The following TMPRSS11E variants were observed in gnomAD, a reference collection of about 807,000 sequenced individuals.
TMPRSS11E encodes the protein transmembrane protease serine 11E.
A neutral mutation model predicts 48.1 loss-of-function variants in TMPRSS11E; 38 were observed. That is an observed-to-expected ratio of 0.79 (90% confidence interval 0.61 to 1.04). The LOEUF (loss-of-function observed/expected upper bound fraction) is 1.04, where lower values mean the gene tolerates loss of function less well. Ranked by LOEUF, TMPRSS11E falls within the 50% of genes least tolerant of loss-of-function variation. The pLI is 0.00. For synonymous variants in TMPRSS11E, 158 were observed against 171.9 expected (o/e 0.92, Z 0.63); for missense variants, 530 against 510.8 (o/e 1.04, Z -0.36).
Position 68,464,508 on chromosome 4 carries a change from C to T in TMPRSS11E, c.137-2123C>T, listed in dbSNP as rs188320252. ...ATTTACCAACAAACTCATGTTTATC[C>T]TTATTTTTAACTTTTCTGTTAATAT... On this transcript the variant is annotated intron_variant, in intron 2 of 9. Coordinates refer to ENST00000305363, the MANE Select transcript of TMPRSS11E (RefSeq NM_014058.4). 2.1e-3 allele frequency among the ~76,000 whole-genome samples: 317 copies of T among 152,228 alleles called. 7 individuals are homozygous for T. The highest frequency in any genetic ancestry group is 0.02 in the Admixed American group (299 of 15,288).
chr4:68,454,883 A>G (rs558193103), intron 1 of TMPRSS11E, among the ~76,000 whole-genome samples: 2 of 152,058 alleles, frequency 1.3e-5, no homozygotes, highest in African/African-American at 4.8e-5. Flanking sequence ...TGATGCTTGT[A>G]TGCAATGTGT....
chr4:68,495,312 C>T (rs147809633), intron 9 of TMPRSS11E, among the ~76,000 whole-genome samples: 4 of 151,934 alleles, frequency 2.6e-5, no homozygotes, highest in Non-Finnish European at 4.4e-5. Context: ...TATTTATTCT[C>T]GGACTCATTT....
At position 68,449,359 on chromosome 4, in the gene TMPRSS11E, G is replaced by T. The variant is rs148867973; in HGVS notation, c.11+1836G>T. 9.6e-3 allele frequency among the ~76,000 whole-genome samples: 1,459 copies of T among 151,716 alleles called. 12 individuals are homozygous for T. Among genetic ancestry groups the T allele is most frequent in the Non-Finnish European group, 0.016 (1,093 of 67,706 alleles). On this transcript the variant is annotated intron_variant, in intron 1 of 9. Transcript: ENST00000305363. ...AATGTGTCCATTAAATATATTTATT[G>T]GTCATAGGGGTGTATACTAACTGTA...
intron 9 of TMPRSS11E, among the ~76,000 whole-genome samples, chr4:68,487,544 G>T (rs1729593974): frequency 6.6e-6 from 1 of 152,056 alleles, no homozygotes; most frequent in Non-Finnish European, 1.5e-5. Context: ...GAGAAACCAT[G>T]CCTAGCCAGG....
intron 8 of TMPRSS11E, among the ~76,000 whole-genome samples, chr4:68,478,451 C>CTTTTTTTTTTTTTTTT (rs377068765): frequency 1.4e-5 from 1 of 73,616 alleles, no homozygotes; most frequent in Non-Finnish European, 2.3e-5. Context: ...GTATCCCCCG[C>CTTTTTTTTTTTTTTTT]TTTTTTTTTT....
chr4:68,480,381 G>A (rs960881541), intron 9 of TMPRSS11E, among the ~76,000 whole-genome samples: 8 of 151,982 alleles, frequency 5.3e-5, no homozygotes, highest in African/African-American at 1.9e-4. Context: ...CAAGTTTACT[G>A]ATTCTTTGCT....
chr4:68,461,022 A>G (rs1319012733), intron 1 of TMPRSS11E, among the ~76,000 whole-genome samples: 1 of 152,056 alleles, frequency 6.6e-6, no homozygotes, highest in Non-Finnish European at 1.5e-5. Flanking sequence ...CTGGGACTAC[A>G]GGCGCCTGCC....
intron 9 of TMPRSS11E, among the ~76,000 whole-genome samples, chr4:68,485,722 T>C (rs1243279328): frequency 6.6e-6 from 1 of 152,200 alleles, no homozygotes; most frequent in Non-Finnish European, 1.5e-5. Flanking sequence ...TCAATATAAT[T>C]GGTACCAGCT....
At chr4:68,458,095 A>T (rs1314043432) in intron 1 of TMPRSS11E, among the ~76,000 whole-genome samples, 1 of 152,096 alleles carries the variant, frequency 6.6e-6, no homozygotes, top group Non-Finnish European at 1.5e-5. Context: ...TCTTTTTTTA[A>T]AAGACCAACT....
At chr4:68,483,686 CT>C (rs1729473448) in intron 9 of TMPRSS11E, among the ~76,000 whole-genome samples, 1 of 152,074 alleles carries the variant, frequency 6.6e-6, no homozygotes, top group Non-Finnish European at 1.5e-5. Flanking sequence ...CTTTTAGGGT[CT>C]TTGTTATAAA....
At chr4:68,484,603 T>C (rs1578143954) in intron 9 of TMPRSS11E, among the ~76,000 whole-genome samples, 1 of 152,184 alleles carries the variant, frequency 6.6e-6, no homozygotes, top group Non-Finnish European at 1.5e-5. Context: ...CCACTGTACC[T>C]GGCCTTCAAC....
chr4:68,477,228 T>C, intron 7 of TMPRSS11E, 141 bp from the exon 8 acceptor site: 1 of 825,956 alleles, frequency 1.2e-6, no homozygotes, highest in East Asian at 2.8e-5. Context: ...CTGAGCCTTA[T>C]TATCAAATTG....
At chr4:68,483,583 G>A (rs891466377) in intron 9 of TMPRSS11E, among the ~76,000 whole-genome samples, 7 of 152,252 alleles carry the variant, frequency 4.6e-5, no homozygotes, top group East Asian at 3.9e-4. Context: ...TCTGTAGGTC[G>A]TCTGTTTACT....
At chr4:68,462,314 C>T (rs543287819) in intron 2 of TMPRSS11E, among the ~76,000 whole-genome samples, 5 of 151,750 alleles carry the variant, frequency 3.3e-5, no homozygotes, top group African/African-American at 4.8e-5. Context: ...CAGTGGCTCA[C>T]GCCTGTAATC....
Position 68,477,546 on chromosome 4 carries a change from A to G in TMPRSS11E, c.885A>G (p.Arg295=). ...SPVPYTNAVH[R]VCLPDASYEF... is the part of the protein sequence containing the mutation. Reference sequence around the variant, plus strand: ...TTCCCTACACAAATGCAGTACATAGAGTTTGTCTCCCTGATGCATCCTATG... The same window carrying G: ...TTCCCTACACAAATGCAGTACATAGGGTTTGTCTCCCTGATGCATCCTATG... Residue 295 remains arginine (R), a synonymous_variant, in exon 8 of 10, where the codon AGA becomes AGG. Coordinates refer to ENST00000305363, the MANE Select transcript of TMPRSS11E (RefSeq NM_014058.4). 1.9e-6 allele frequency: 3 copies of G among 1,614,074 alleles called. No individual in the cohort carries two copies. Among genetic ancestry groups the G allele is most frequent in the Non-Finnish European group, 2.5e-6 (3 of 1,179,976 alleles).
chr4:68,449,702 G>A (rs1414182807), intron 1 of TMPRSS11E, among the ~76,000 whole-genome samples: 1 of 151,794 alleles, frequency 6.6e-6, no homozygotes, highest in Non-Finnish European at 1.5e-5. Flanking sequence ...AGTTTGACAA[G>A]CACTAATGGT....
chr4:68,451,360 G>A (rs1554891), intron 1 of TMPRSS11E, among the ~76,000 whole-genome samples: 37,454 of 151,720 alleles, frequency 0.25, 5,469 homozygotes, highest in Non-Finnish European at 0.32. Flanking sequence ...GGTTTTAAGA[G>A]GCTGAGAAAG....
At chr4:68,454,246 A>G (rs572619687) in intron 1 of TMPRSS11E, among the ~76,000 whole-genome samples, 2 of 152,106 alleles carry the variant, frequency 1.3e-5, no homozygotes, top group African/African-American at 4.8e-5. Context: ...AGCTGCAGTT[A>G]TAGATTTGGT....
chr4:68,484,120 C>A (rs1729487411), intron 9 of TMPRSS11E, among the ~76,000 whole-genome samples: 1 of 152,080 alleles, frequency 6.6e-6, no homozygotes, highest in Non-Finnish European at 1.5e-5. Context: ...GCTATTAAGG[C>A]TCTTTTTTGG....
Sources: gnomAD v4.1 joint callset for allele counts (sites outside exome capture counted in the v4.1 genomes callset) on GRCh38, gnomAD v4.1.1 for gene constraint, MANE v1.5 for transcripts, NCBI Gene and HGNC (gene_info 2026-07-23, HGNC 2026-07-21) for gene names.